Variants in OXSR1 observed in about 807,000 individuals in gnomAD.
The protein encoded by OXSR1 is oxidative stress responsive kinase 1.
OXSR1 carries 24 observed loss-of-function variants against 79.8 expected under a neutral mutation model. That is an observed-to-expected ratio of 0.30 (90% confidence interval 0.22 to 0.42). OXSR1 has a LOEUF of 0.42. OXSR1 is among the 10% of genes least tolerant of loss of function. The probability of loss-of-function intolerance (pLI) is 1.00; values close to 1 mark genes in which losing one functional copy is unlikely to be tolerated. For synonymous variants in OXSR1, 226 were observed against 209.2 expected (o/e 1.08, Z -0.69); for missense variants, 430 against 618.4 (o/e 0.70, Z 3.23).
At chr3:38,224,526 T>TAG in intron 7 of OXSR1, 45 bp from the exon 8 acceptor site, 2 of 1,506,474 alleles carry the variant, frequency 1.3e-6, no homozygotes. Flanking sequence ...TAGTTAAACT[T>TAG]TACTGAGTCA....
In OXSR1 at chr3:38,253,121, A is replaced by T. The variant is rs1171434132; in HGVS notation, c.*230A>T. On this transcript the variant is annotated 3_prime_UTR_variant, in exon 18 of 18. Transcript: ENST00000311806. ...AGAGTTCCGTTAGTAAACTTACTTC[A>T]TATGTCCCCTGTCTTCCTCCATCTG... 5.5e-6 allele frequency: 3 copies of T among 543,076 alleles called. No homozygotes were observed. Among genetic ancestry groups the T allele is most frequent in the Non-Finnish European group, 9.9e-6 (3 of 304,332 alleles). 33.6% of individuals were successfully genotyped at this position (543,076 alleles called of 1,614,324 possible).
At chr3:38,242,471 A>G (rs1703055221) in intron 11 of OXSR1, among the ~76,000 whole-genome samples, 1 of 152,224 alleles carries the variant, frequency 6.6e-6, no homozygotes, top group Non-Finnish European at 1.5e-5. Context: ...CAGTCCCATT[A>G]TGTATGCTTA....
At position 38,230,389 on chromosome 3, in the gene OXSR1, A is replaced by G. The variant is rs1339550610; in HGVS notation, c.910A>G (p.Thr304Ala). Residue 304 changes from threonine (T) to alanine (A), a missense_variant, in exon 10 of 18, where the codon ACA becomes GCA. Around this residue, in one of 3 missense-constraint regions of OXSR1, gnomAD observed 276 missense variants for 354.2 expected, o/e 0.78. Coordinates refer to ENST00000311806, the MANE Select transcript of OXSR1 (RefSeq NM_005109.3). ...GAATAAAGAATTTCTTCAAGAAAAAACATTGCAGAGAGCACCAACCATTTC... is the reference window on the plus strand; with the variant it reads ...GAATAAAGAATTTCTTCAAGAAAAAGCATTGCAGAGAGCACCAACCATTTC... ...AKNKEFLQEK[T>A]LQRAPTISER... 1 of 1,601,970 alleles carries G rather than the reference A, an allele frequency of 6.2e-7. No homozygotes were observed. The highest frequency in any genetic ancestry group is 2.2e-5 in the East Asian group (1 of 44,664).
intron 10 of OXSR1, among the ~76,000 whole-genome samples, chr3:38,231,429 T>G (rs1000731058): frequency 6.6e-6 from 1 of 152,124 alleles, no homozygotes; most frequent in Non-Finnish European, 1.5e-5. Context: ...TTCTCATGGA[T>G]AGCTACTAGG....
chr3:38,226,580 T>G (rs1702692952), intron 8 of OXSR1, among the ~76,000 whole-genome samples: 2 of 151,994 alleles, frequency 1.3e-5, no homozygotes, highest in Admixed American at 6.6e-5. Flanking sequence ...AATAATACAT[T>G]GATAAGACTG....
In OXSR1 at chr3:38,252,817, G is replaced by A. The variant is rs1388271523; in HGVS notation, c.1510G>A (p.Ala504Thr). Residue 504 changes from alanine to threonine, a missense_variant and splice_region_variant, in exon 18 of 18, where the codon GCA (alanine) becomes ACA (threonine). By Grantham distance (58) the Ala-to-Thr change is moderately conservative. This residue lies in a region of OXSR1 where 276 missense variants were observed against 354.2 expected (regional missense o/e 0.78). Coordinates refer to ENST00000311806, the MANE Select transcript of OXSR1 (RefSeq NM_005109.3). ...QSNRSVTFKL[A>T]SGVEGSDIPD... ...GTTTCTCATTTTGTTTGGTTCTTAG[G>A]CATCTGGTGTCGAAGGCTCAGATAT... The A allele has an allele frequency of 6.2e-7, 1 of 1,610,446 alleles. No homozygotes were observed. The highest frequency in any genetic ancestry group is 1.1e-5 in the South Asian group (1 of 90,986).
chr3:38,198,486 A>G (rs34855929), intron 3 of OXSR1, among the ~76,000 whole-genome samples: 5,496 of 152,262 alleles, frequency 0.036, 108 homozygotes, highest in Middle Eastern at 0.13. Context: ...TAGACATCCA[A>G]AGGAGATGCT....
chr3:38,234,012 C>T (rs1702867530), intron 10 of OXSR1, among the ~76,000 whole-genome samples: 1 of 151,986 alleles, frequency 6.6e-6, no homozygotes, highest in Non-Finnish European at 1.5e-5. Flanking sequence ...AAAGAATCAT[C>T]ATCTTCAAAT....
intron 4 of OXSR1, among the ~76,000 whole-genome samples, chr3:38,199,392 G>T (rs1702121941): frequency 1.3e-5 from 2 of 151,350 alleles, no homozygotes; most frequent in African/African-American, 2.4e-5. Flanking sequence ...GCCTCCTCAG[G>T]CTAATTTTTA....
At chr3:38,238,424 ATTCATAATGCTCTTATGTAGATCCAGAT>A (rs1160132629) in intron 11 of OXSR1, among the ~76,000 whole-genome samples, 1 of 152,076 alleles carries the variant, frequency 6.6e-6, no homozygotes, top group Non-Finnish European at 1.5e-5. Flanking sequence ...TTCCGCCCAT[ATTCATAATGCTCTTATGTAGATCCAGAT>A]TTCCATCTTT....
intron 1 of OXSR1, among the ~76,000 whole-genome samples, chr3:38,169,845 C>G (rs1364888002): frequency 1.3e-5 from 2 of 151,418 alleles, no homozygotes; most frequent in African/African-American, 4.9e-5. Context: ...TCCTCCCACC[C>G]CTGCCTCCCA....
At position 38,165,576 on chromosome 3, in the gene OXSR1, G is replaced by A; in HGVS notation, c.-301G>A. 2.5e-6 allele frequency: 1 copy of A among 407,946 alleles called. No individual in the cohort carries two copies. Among genetic ancestry groups the A allele is most frequent in the South Asian group, 3.3e-5 (1 of 29,988 alleles). 25.3% of individuals were successfully genotyped at this position (407,946 alleles called of 1,614,324 possible). A position where few individuals can be genotyped will look rare whatever the true frequency, so the allele number is the denominator to read the frequency against. On this transcript the variant is annotated 5_prime_UTR_variant, in exon 1 of 18. Transcript: ENST00000311806. ...GCTGGGGTGGAGGGCGGGACAGAGG[G>A]GCTGGGCCCAGGCAAAGCTTCTGTC... is the stretch of plus-strand genomic sequence containing the variant.
At chr3:38,181,772 A>C (rs550770042) in intron 1 of OXSR1, among the ~76,000 whole-genome samples, 2 of 151,212 alleles carry the variant, frequency 1.3e-5, no homozygotes, top group Admixed American at 6.6e-5. Context: ...TCGTGTGGTC[A>C]TCTTTTTTCT....
intron 6 of OXSR1, 79 bp downstream of exon 6, chr3:38,221,766 C>A: frequency 1.3e-6 from 1 of 770,684 alleles, no homozygotes. Flanking sequence ...GCTTGCTTTT[C>A]TTTGGCATAC....
chr3:38,209,014 TTGG>T (rs1702330369), intron 4 of OXSR1, among the ~76,000 whole-genome samples: 2 of 151,250 alleles, frequency 1.3e-5, no homozygotes, highest in Non-Finnish European at 3.0e-5. Flanking sequence ...ATGTGCATGT[TTGG>T]TGGGGTATGG....
At chr3:38,198,907 G>A (rs1441232997) in intron 4 of OXSR1, 44 bp downstream of exon 4, 2 of 1,544,222 alleles carry the variant, frequency 1.3e-6, no homozygotes, top group Non-Finnish European at 8.9e-7. Flanking sequence ...TCTCATTAAG[G>A]CCATTCCCAC....
chr3:38,217,539 G>C (rs1020617458), intron 5 of OXSR1, among the ~76,000 whole-genome samples: 1 of 151,784 alleles, frequency 6.6e-6, no homozygotes, highest in Admixed American at 6.6e-5. Flanking sequence ...TTGTTTGTTT[G>C]TTTTTTTTGA....
intron 11 of OXSR1, among the ~76,000 whole-genome samples, chr3:38,240,584 T>C (rs185774458): frequency 2.0e-5 from 3 of 152,072 alleles, no homozygotes; most frequent in Admixed American, 6.6e-5. Flanking sequence ...CTAATACCAT[T>C]CCCCACTAAA....
chr3:38,196,996 G>A (rs1255884085), intron 3 of OXSR1, among the ~76,000 whole-genome samples: 2 of 152,200 alleles, frequency 1.3e-5, no homozygotes, highest in Non-Finnish European at 2.9e-5. Flanking sequence ...TATGATCATT[G>A]TTAATATAAT....
Sources: gnomAD v4.1 joint callset for allele counts (sites outside exome capture counted in the v4.1 genomes callset) on GRCh38, gnomAD v4.1.1 for gene constraint, gnomAD v4.1.1 regional missense constraint, MANE v1.5 for transcripts, NCBI Gene and HGNC (gene_info 2026-07-23, HGNC 2026-07-21) for gene names.